ASAH1: variants seen among roughly 807,000 people sequenced by gnomAD.
The protein encoded by ASAH1 is acid ceramidase.
A neutral mutation model predicts 59.5 loss-of-function variants in ASAH1; 70 were observed. That is an observed-to-expected ratio of 1.18 (90% CI 0.97 to 1.43). The LOEUF (loss-of-function observed/expected upper bound fraction) is 1.43. Among genes scored for constraint, ASAH1 ranks in the 40% most tolerant of loss-of-function variants. The pLI is 0.00. For missense variants in ASAH1, 660 were observed against 482.5 expected (o/e 1.37, Z -3.45); for synonymous variants, 213 against 166.5 (o/e 1.28, Z -2.15).
Position 18,084,074 on chromosome 8 carries a change from C to T in ASAH1, c.-16G>A, listed in dbSNP as rs542371586. On this transcript the variant is annotated 5_prime_UTR_variant, in exon 1 of 14. Coordinates refer to ENST00000637790, the MANE Select transcript of ASAH1 (RefSeq NM_177924.5). ...GGCCCGGCATCGCTCTAGCAGCCAA[C>T]GCCACTCCCCGGACTCCAGCAGAGG... 2 of 1,598,168 alleles carry T rather than the reference C, an allele frequency of 1.3e-6. No homozygotes were observed. Among genetic ancestry groups the T allele is most frequent in the African/African-American group, 1.3e-5 (1 of 74,910 alleles).
rs6586683 is a variant in ASAH1, at chr8:18,063,114, C to T, written c.503+71G>A. Reference sequence around the variant, plus strand: ...TGAACTCCTGACCTCGTGATCCACCCGTGTCAGCCTCCCAAAAAGCTGGGA... The same window carrying T: ...TGAACTCCTGACCTCGTGATCCACCTGTGTCAGCCTCCCAAAAAGCTGGGA... On this transcript the variant is annotated intron_variant, in intron 7 of 13. Transcript: ENST00000637790. 0.36 allele frequency: 515,634 copies of T among 1,422,678 alleles called. 97,303 individuals are homozygous for T. Among genetic ancestry groups the T allele is most frequent in the Admixed American group, 0.54 (32,069 of 59,534 alleles). 88.1% of individuals were successfully genotyped at this position (1,422,678 alleles called of 1,614,324 possible).
Position 18,075,605 on chromosome 8 carries a change from T to C in ASAH1, c.79-18A>G, listed in dbSNP as rs750097986. 6.2e-6 allele frequency: 10 copies of C among 1,613,788 alleles called. No homozygotes were observed. The East Asian group carries it at 1.8e-4, about 29-fold the overall frequency. ...TCTGTCCACTGAAAAGCAAAGAAAA[T>C]TAAGTTTCAGAAAATAACAAATGCT... On this transcript the variant is annotated intron_variant, in intron 1 of 13. Transcript: ENST00000637790.
upstream of ASAH1, chr8:18,084,420 A>T (rs752670851): frequency 8.7e-6 from 12 of 1,372,270 alleles, no homozygotes; most frequent in Non-Finnish European, 1.1e-5. Context: ...TGGCGCCTCG[A>T]TGGGGCGCCT....
At chr8:18,084,465 G>C (rs895031819), upstream of ASAH1, 5 of 1,325,064 alleles carry the variant, frequency 3.8e-6, no homozygotes, top group Non-Finnish European at 5.0e-6. Context: ...CGCGTACCCA[G>C]GCGTCCTCGG....
At position 18,056,925 on chromosome 8, in the gene ASAH1, A is replaced by C. The variant is rs1257467704; in HGVS notation, c.*609T>G. ...ATACTGATTACTTCTTGAACCCCAA[A>C]AAGTGCTATTTAGAGGCAAGGGCCC... On this transcript the variant is annotated 3_prime_UTR_variant, in exon 14 of 14. Transcript: ENST00000637790. 1 of 152,722 alleles carries C rather than the reference A, an allele frequency of 6.5e-6. No homozygotes were observed. The highest frequency in any genetic ancestry group is 6.5e-5 in the Admixed American group (1 of 15,354). The allele number at this position is 152,722 out of a possible 1,614,324, so 9.5% of individuals were successfully genotyped here. A position where few individuals can be genotyped will look rare whatever the true frequency, so the allele number is the denominator to read the frequency against.
upstream of ASAH1, chr8:18,084,589 C>G: frequency 6.3e-7 from 1 of 1,584,628 alleles, no homozygotes; most frequent in Non-Finnish European, 8.6e-7. Context: ...ATCCCCACCG[C>G]GGAGTCAGGG....
intron 2 of ASAH1, 121 bp from the exon 3 acceptor site, chr8:18,071,511 C>A: frequency 3.0e-6 from 2 of 670,768 alleles, no homozygotes; most frequent in Non-Finnish European, 5.3e-6. Flanking sequence ...TTTGGTTACC[C>A]AAACCAAAAT....
At chr8:18,075,986 T>A (rs947063342) in intron 1 of ASAH1, 1 of 296,616 alleles carries the variant, frequency 3.4e-6, no homozygotes, top group Non-Finnish European at 6.5e-6. Context: ...GGGATTTGCC[T>A]CCCAAACCAG....
rs1799847833 is a variant in ASAH1 at position 18,064,496 on chromosome 8, A to T, written c.418T>A (p.Phe140Ile). ...GCTACTATTGAAGTACAAATGGTAA[A>T]TAATTCATAAAAAATATTGAATGAA... ...IISFNIFYEL[F>I]TICTSIVAED... Residue 140 changes from phenylalanine to isoleucine, a missense_variant, in exon 6 of 14, where the codon TTT (phenylalanine) becomes ATT (isoleucine). Coordinates refer to ENST00000637790, the MANE Select transcript of ASAH1 (RefSeq NM_177924.5). 1 of 1,577,758 alleles carries T rather than the reference A, an allele frequency of 6.3e-7. No individual in the cohort carries two copies. Among genetic ancestry groups the T allele is most frequent in the Non-Finnish European group, 8.7e-7 (1 of 1,149,966 alleles).
Position 18,057,543 on chromosome 8 carries a change from T to A in ASAH1, c.1179A>T (p.Ile393=). 1 of 1,598,170 alleles carries A rather than the reference T, an allele frequency of 6.3e-7. No homozygotes were observed. The highest frequency in any genetic ancestry group is 8.6e-7 in the Non-Finnish European group (1 of 1,169,394). ...TAGGCCAGACGTGTGCTCACCAACC[T>A]ATACAAGGGTCAGGGCAGTCCCGCA... The part of the protein sequence containing the change: ...TYLRDCPDPC[I]GW Residue 393 remains isoleucine (I), a synonymous_variant, in exon 14 of 14, where the codon ATA becomes ATT. Coordinates refer to ENST00000637790, the MANE Select transcript of ASAH1 (RefSeq NM_177924.5).
chr8:18,073,923 T>C (rs934431164), intron 2 of ASAH1, among the ~76,000 whole-genome samples: 1 of 152,178 alleles, frequency 6.6e-6, no homozygotes, highest in Admixed American at 6.5e-5. Context: ...ACATACAAGT[T>C]ATGTCCATGT....
rs564041626 is a variant in ASAH1 at position 18,082,308 on chromosome 8, A to T, written c.78+1673T>A. On this transcript the variant is annotated intron_variant, in intron 1 of 13. Transcript: ENST00000637790. ...AAGCTATTGAGAAAGAAGAAAAAAC[A>T]GCCTCCAACACCTGAAACTGCTCTG... 1.2e-4 allele frequency among the ~76,000 whole-genome samples: 18 copies of T among 152,346 alleles called. 1 individual carries two copies. Among genetic ancestry groups the T allele is most frequent in the African/African-American group, 4.3e-4 (18 of 41,582 alleles).
intron 2 of ASAH1, chr8:18,073,279 A>AT: frequency 6.3e-7 from 1 of 1,577,746 alleles, no homozygotes; most frequent in Non-Finnish European, 8.7e-7. Flanking sequence ...GGAAGACACT[A>AT]TATGAAAAAT....
At chr8:18,069,466 G>A (rs1800067509) in intron 4 of ASAH1, 1 of 260,898 alleles carries the variant, frequency 3.8e-6, no homozygotes, top group South Asian at 4.6e-5. Context: ...GGATGTCCCT[G>A]AGACACTTAA....
intron 1 of ASAH1, chr8:18,076,686 T>A (rs964230691): frequency 2.6e-5 from 4 of 152,082 alleles, no homozygotes; most frequent in African/African-American, 7.2e-5. Flanking sequence ...CAGAAAACTC[T>A]TGGAACTGTA....
intron 5 of ASAH1, chr8:18,065,418 A>G (rs1588983561): frequency 6.6e-6 from 1 of 152,130 alleles, no homozygotes; most frequent in African/African-American, 2.4e-5. Flanking sequence ...ACTTTTGTTG[A>G]TAAATACTAC....
chr8:18,084,587 C>G (rs1564558301), upstream of ASAH1: 2 of 1,581,660 alleles, frequency 1.3e-6, no homozygotes, highest in East Asian at 4.5e-5. Context: ...TCATCCCCAC[C>G]GCGGAGTCAG....
At chr8:18,074,745 T>G (rs1425194546) in intron 2 of ASAH1, among the ~76,000 whole-genome samples, 2 of 152,220 alleles carry the variant, frequency 1.3e-5, no homozygotes, top group Non-Finnish European at 2.9e-5. Flanking sequence ...TTAAACACAC[T>G]GAATCATGAC....
chr8:18,061,722 GT>G lies in ASAH1; in HGVS notation c.666del (p.Leu223Ter), dbSNP rs1564537695. ...TGFKPGLFSL[T>X]LNERFSINGG... is the part of the protein sequence containing the mutation. Reference sequence around the variant, plus strand: ...CCATTTATACTGAAACGTTCATTCAGTGTAAGACTGAACAGTCCCTGAGAAA... The same window carrying G: ...CCATTTATACTGAAACGTTCATTCAGGTAAGACTGAACAGTCCCTGAGAAA... On this transcript the variant is annotated frameshift_variant, in exon 9 of 14. Coordinates refer to ENST00000637790, the MANE Select transcript of ASAH1 (RefSeq NM_177924.5). LOFTEE classifies it high-confidence loss of function. 1.2e-5 allele frequency: 19 copies of G among 1,579,836 alleles called. No homozygotes were observed. Among genetic ancestry groups the G allele is most frequent in the Non-Finnish European group, 1.6e-5 (19 of 1,161,032 alleles).
Sources: allele counts gnomAD v4.1 joint callset (sites outside exome capture counted in the v4.1 genomes callset), GRCh38; gene constraint gnomAD v4.1.1; transcripts MANE v1.5; gene names NCBI Gene and HGNC (gene_info 2026-07-23, HGNC 2026-07-21).